The following ALK variants were observed in gnomAD, a reference collection of about 807,000 sequenced individuals.
ALK encodes the protein ALK receptor tyrosine kinase, also known as ALK tyrosine kinase receptor.
In ALK, 74 loss-of-function variants were observed where a neutral mutation model predicts 163.1. The observed-to-expected ratio is 0.45, with a 90% CI of 0.38 to 0.55. The LOEUF (loss-of-function observed/expected upper bound fraction) is 0.55. ALK is among the 20% of genes least tolerant of loss of function. ALK has a pLI of 0.00. For synonymous variants in ALK, 960 were observed against 843.2 expected (o/e 1.14, Z -2.40); for missense variants, 2,063 against 2,105.3 (o/e 0.98, Z 0.39).
intron 2 of ALK, among the ~76,000 whole-genome samples, chr2:29,704,313 C>T (rs899548250): frequency 2.0e-5 from 3 of 152,080 alleles, no homozygotes; most frequent in African/African-American, 4.8e-5. Flanking sequence ...CCTCTTTGCT[C>T]GAGGGATTCA....
In ALK at chr2:29,325,619, G is replaced by A. The variant is rs74374773; in HGVS notation, c.1414+2731C>T. On this transcript the variant is annotated intron_variant, in intron 6 of 28. Coordinates refer to ENST00000389048, the MANE Select transcript of ALK (RefSeq NM_004304.5). Reference sequence around the variant, plus strand: ...TATCATAGCTAAGTGCTGGAAGCTCGTGAAACAGAGTTTACCCTGCAGTGG... The same window carrying A: ...TATCATAGCTAAGTGCTGGAAGCTCATGAAACAGAGTTTACCCTGCAGTGG... 5.5e-3 allele frequency among the ~76,000 whole-genome samples: 841 copies of A among 152,328 alleles called. 4 individuals are homozygous for A. The highest frequency in any genetic ancestry group is 6.2e-3 in the Non-Finnish European group (424 of 68,026).
intron 23 of ALK, among the ~76,000 whole-genome samples, chr2:29,216,572 C>G (rs1174908090): frequency 6.9e-6 from 1 of 144,450 alleles, no homozygotes; most frequent in Non-Finnish European, 1.5e-5. Context: ...ACAGGGCAGA[C>G]AGTCAGCAAG....
chr2:29,578,085 G>A (rs1423925337), intron 3 of ALK, among the ~76,000 whole-genome samples: 1 of 151,682 alleles, frequency 6.6e-6, no homozygotes, highest in Non-Finnish European at 1.5e-5. Flanking sequence ...ACGTGTTATG[G>A]GAGGGACCCA....
chr2:29,313,413 C>T (rs1262034285), intron 8 of ALK, among the ~76,000 whole-genome samples: 4 of 152,234 alleles, frequency 2.6e-5, no homozygotes, highest in South Asian at 2.1e-4. Flanking sequence ...AGGAGTTAGA[C>T]CCAGTGACTA....
intron 3 of ALK, among the ~76,000 whole-genome samples, chr2:29,669,805 GATA>G (rs1439363403): frequency 5.3e-5 from 8 of 151,426 alleles, no homozygotes; most frequent in Admixed American, 2.0e-4. Flanking sequence ...ACATCTTATA[GATA>G]ATAATAAGTT....
intron 1 of ALK, among the ~76,000 whole-genome samples, chr2:29,850,370 G>A (rs935298009): frequency 2.6e-5 from 4 of 152,202 alleles, no homozygotes. Context: ...ATGTGGGGAG[G>A]CAGGGGGAAC....
At chr2:29,662,826 A>G (rs948842146) in intron 3 of ALK, among the ~76,000 whole-genome samples, 2 of 152,128 alleles carry the variant, frequency 1.3e-5, no homozygotes, top group African/African-American at 4.8e-5. Flanking sequence ...GCCTGCTTTT[A>G]TAATATCATG....
chr2:29,649,217 T>TGAGAGAGAGAGAGAGAGA (rs141534978), intron 3 of ALK, among the ~76,000 whole-genome samples: 1 of 147,440 alleles, frequency 6.8e-6, no homozygotes, highest in African/African-American at 2.5e-5. Context: ...TGTGTGTATG[T>TGAGAGAGAGAGAGAGAGA]GAGAGAGAGA....
intron 3 of ALK, among the ~76,000 whole-genome samples, chr2:29,618,254 T>C (rs1675916731): frequency 6.6e-6 from 1 of 152,240 alleles, no homozygotes; most frequent in Non-Finnish European, 1.5e-5. Flanking sequence ...AGTTGTGATT[T>C]AAGTACCAGA....
At chr2:29,300,700 C>T (rs914972229) in intron 8 of ALK, among the ~76,000 whole-genome samples, 2 of 152,128 alleles carry the variant, frequency 1.3e-5, no homozygotes, top group African/African-American at 4.8e-5. Flanking sequence ...ACATTTGTTA[C>T]ATCCAGAGAA....
At chr2:29,704,366 T>C (rs1678835495) in intron 2 of ALK, among the ~76,000 whole-genome samples, 1 of 152,168 alleles carries the variant, frequency 6.6e-6, no homozygotes, top group Non-Finnish European at 1.5e-5. Flanking sequence ...ATGAGGGACC[T>C]TGGAGACCTC....
intron 1 of ALK, among the ~76,000 whole-genome samples, chr2:29,878,136 A>G (rs1474088131): frequency 6.6e-6 from 1 of 152,200 alleles, no homozygotes; most frequent in Admixed American, 6.5e-5. Flanking sequence ...TGCAGGATCA[A>G]TCAAGTACAC....
intron 1 of ALK, among the ~76,000 whole-genome samples, chr2:29,850,893 C>T (rs1187665197): frequency 1.3e-5 from 2 of 152,356 alleles, no homozygotes; most frequent in East Asian, 3.9e-4. Flanking sequence ...GCCACTGCCA[C>T]AACCAGCCCT....
intron 2 of ALK, among the ~76,000 whole-genome samples, chr2:29,705,287 A>ATCTATC (rs1553349887): frequency 3.4e-5 from 4 of 117,670 alleles, no homozygotes; most frequent in South Asian, 2.9e-4. Context: ...ATATAAATAT[A>ATCTATC]TATCTGCTGT....
At chr2:29,599,531 G>A (rs925988059) in intron 3 of ALK, among the ~76,000 whole-genome samples, 2 of 152,220 alleles carry the variant, frequency 1.3e-5, no homozygotes, top group African/African-American at 4.8e-5. Context: ...ACAAGAATGT[G>A]TGTGACCAGG....
At chr2:29,744,385 C>A (rs1680149469) in intron 1 of ALK, among the ~76,000 whole-genome samples, 1 of 152,086 alleles carries the variant, frequency 6.6e-6, no homozygotes, top group African/African-American at 2.4e-5. Context: ...GCAAACAACC[C>A]CAATACTTAG....
At chr2:29,220,339 T>C (rs1477656895) in intron 23 of ALK, among the ~76,000 whole-genome samples, 5 of 152,138 alleles carry the variant, frequency 3.3e-5, no homozygotes, top group Admixed American at 2.0e-4. Context: ...TCTGCAATGA[T>C]TGTAAGTTTC....
chr2:29,312,396 TG>T (rs889667638), intron 8 of ALK, among the ~76,000 whole-genome samples: 1 of 151,600 alleles, frequency 6.6e-6, no homozygotes, highest in Admixed American at 6.6e-5. Context: ...GGCTAGAAAG[TG>T]GGGGGGCTTC....
intron 3 of ALK, among the ~76,000 whole-genome samples, chr2:29,684,463 C>G (rs539744401): frequency 6.6e-6 from 1 of 152,174 alleles, no homozygotes; most frequent in Non-Finnish European, 1.5e-5. Flanking sequence ...TGGCAGTAAT[C>G]GATTCCACTT....
Sources: allele counts gnomAD v4.1 joint callset (sites outside exome capture counted in the v4.1 genomes callset), GRCh38; gene constraint gnomAD v4.1.1; transcripts MANE v1.5; gene names NCBI Gene and HGNC (gene_info 2026-07-23, HGNC 2026-07-21).